ELF1: variants seen among roughly 807,000 people sequenced by gnomAD.
ELF1 encodes ETS-related transcription factor Elf-1.
A neutral mutation model predicts 59.9 loss-of-function variants in ELF1; 24 were observed. The ratio of observed to expected loss-of-function variants is 0.40; its 90% CI spans 0.29 to 0.56. The LOEUF (loss-of-function observed/expected upper bound fraction) is 0.56. ELF1 is among the 20% of genes least tolerant of loss of function. The probability of loss-of-function intolerance (pLI) is 0.44; values close to 1 mark genes in which losing one functional copy is unlikely to be tolerated. For synonymous variants in ELF1, 248 were observed against 266.2 expected, an observed-to-expected ratio of 0.93 and a Z score of 0.67; for missense variants, 627 against 742.2, an observed-to-expected ratio of 0.84 and a Z score of 1.80.
chr13:41,035,598 C>A (rs1876341110), intron 1 of ELF1, among the ~76,000 whole-genome samples: 1 of 151,842 alleles, frequency 6.6e-6, no homozygotes, highest in South Asian at 2.1e-4. Flanking sequence ...TAAAGCTCTG[C>A]ATCTGTAAAG....
intron 2 of ELF1, among the ~76,000 whole-genome samples, chr13:40,974,942 A>G (rs1872810959): frequency 6.6e-6 from 1 of 152,220 alleles, no homozygotes; most frequent in Non-Finnish European, 1.5e-5. Context: ...TGGGGACTCT[A>G]AGACATAACT....
intron 2 of ELF1, among the ~76,000 whole-genome samples, chr13:40,961,393 T>G (rs1871810086): frequency 6.6e-6 from 1 of 152,038 alleles, no homozygotes; most frequent in Non-Finnish European, 1.5e-5. Flanking sequence ...GGCTCAAAAA[T>G]TATACTATAG....
In ELF1 at chr13:41,006,219, G is replaced by C. The variant is rs578215002; in HGVS notation, c.-229+13009C>G. On this transcript the variant is annotated intron_variant, in intron 1 of 8. Transcript: ENST00000239882. ...AGAAGGATCTTGCTCATTCTTTATA[G>C]GAGTCTAAGAATTATTAGTGCCTTC... is the stretch of plus-strand genomic sequence containing the variant. 3.3e-4 allele frequency among the ~76,000 whole-genome samples: 47 copies of C among 144,028 alleles called. 2 individuals are homozygous for C. The South Asian group carries it at 8.1e-3, about 25-fold the overall frequency. The allele number at this position is 144,028 out of a possible 152,430, so 94.5% of individuals were successfully genotyped here. A position where few individuals can be genotyped will look rare whatever the true frequency, so the allele number is the denominator to read the frequency against.
chr13:41,049,851 C>G (rs1056017618), intron 1 of ELF1, among the ~76,000 whole-genome samples: 1 of 152,228 alleles, frequency 6.6e-6, no homozygotes. Context: ...TCCCACTAAA[C>G]TGCAAGCTTC....
At chr13:40,984,079 G>A (rs1873429645) in intron 1 of ELF1, among the ~76,000 whole-genome samples, 1 of 152,152 alleles carries the variant, frequency 6.6e-6, no homozygotes, top group Non-Finnish European at 1.5e-5. Flanking sequence ...TGAAAACTGT[G>A]TCCCCTTAAT....
chr13:40,942,921 T>C, intron 7 of ELF1, 31 bp downstream of exon 7: 1 of 1,487,854 alleles, frequency 6.7e-7, no homozygotes, highest in Admixed American at 2.2e-5. Flanking sequence ...ATGATATTCT[T>C]AACACAATAA....
chr13:41,011,124 A>G (rs958927078), intron 1 of ELF1, among the ~76,000 whole-genome samples: 8 of 152,240 alleles, frequency 5.3e-5, no homozygotes, highest in African/African-American at 1.9e-4. Flanking sequence ...AACACTGAAT[A>G]TACCAGTAAA....
At chr13:41,043,248 A>G (rs1876698624) in intron 1 of ELF1, among the ~76,000 whole-genome samples, 1 of 152,070 alleles carries the variant, frequency 6.6e-6, no homozygotes, top group African/African-American at 2.4e-5. Flanking sequence ...CTCCCATTCT[A>G]TAGGTTGCCT....
chr13:41,029,744 C>T (rs1876089755), intron 1 of ELF1, among the ~76,000 whole-genome samples: 1 of 152,174 alleles, frequency 6.6e-6, no homozygotes, highest in Non-Finnish European at 1.5e-5. Flanking sequence ...TGTGGGTGGG[C>T]ACCATCAATT....
chr13:41,030,561 A>G (rs554484175), intron 1 of ELF1, among the ~76,000 whole-genome samples: 17 of 151,816 alleles, frequency 1.1e-4, no homozygotes, highest in Non-Finnish European at 1.9e-4. Context: ...TGGGCAACAC[A>G]GTGAGAACCT....
chr13:41,014,197 AG>A (rs1464078522), intron 1 of ELF1, among the ~76,000 whole-genome samples: 1 of 152,136 alleles, frequency 6.6e-6, no homozygotes, highest in Non-Finnish European at 1.5e-5. Context: ...GGGGCAGAGG[AG>A]GCAGGCTCCT....
intron 8 of ELF1, among the ~76,000 whole-genome samples, chr13:40,937,721 G>A (rs552948168): frequency 6.6e-5 from 10 of 152,216 alleles, no homozygotes; most frequent in African/African-American, 1.4e-4. Context: ...CACCCGCCTC[G>A]GCCTCCCACA....
chr13:40,975,552 A>C (rs533200818), intron 2 of ELF1, among the ~76,000 whole-genome samples: 33 of 152,326 alleles, frequency 2.2e-4, no homozygotes, highest in African/African-American at 7.0e-4. Context: ...TTTTCCACTA[A>C]ATGTACAACA....
chr13:40,977,780 A>G (rs1873003252), intron 2 of ELF1, among the ~76,000 whole-genome samples: 1 of 152,216 alleles, frequency 6.6e-6, no homozygotes, highest in African/African-American at 2.4e-5. Flanking sequence ...GGAGGAGGAT[A>G]TCCTATCGGA....
intron 1 of ELF1, among the ~76,000 whole-genome samples, chr13:40,989,399 A>T (rs1364110598): frequency 6.6e-6 from 1 of 152,220 alleles, no homozygotes. Flanking sequence ...GTTCATTTAA[A>T]TTTTTTCAAA....
At chr13:40,988,716 G>C (rs1287961240) in intron 1 of ELF1, among the ~76,000 whole-genome samples, 1 of 152,194 alleles carries the variant, frequency 6.6e-6, no homozygotes, top group Admixed American at 6.5e-5. Context: ...AAGGAAACAT[G>C]TATAAGCCTT....
intron 1 of ELF1, among the ~76,000 whole-genome samples, chr13:40,983,288 C>A (rs1160596843): frequency 6.6e-6 from 1 of 152,134 alleles, no homozygotes. Flanking sequence ...AAGTTGACTC[C>A]AAGGAAAGGA....
chr13:41,004,426 A>C (rs1175316390), intron 1 of ELF1, among the ~76,000 whole-genome samples: 7 of 152,180 alleles, frequency 4.6e-5, no homozygotes, highest in Non-Finnish European at 8.8e-5. Context: ...AACAGGTAGA[A>C]TAGGAATTTA....
intron 1 of ELF1, among the ~76,000 whole-genome samples, chr13:41,035,479 C>A (rs1252746553): frequency 1.3e-5 from 2 of 151,486 alleles, no homozygotes; most frequent in African/African-American, 4.9e-5. Flanking sequence ...GTCTAAAGTA[C>A]ACAAAAAGCC....
Sources: gnomAD v4.1 joint callset for allele counts (sites outside exome capture counted in the v4.1 genomes callset) on GRCh38, gnomAD v4.1.1 for gene constraint, MANE v1.5 for transcripts, NCBI Gene and HGNC (gene_info 2026-07-23, HGNC 2026-07-21) for gene names.